NRG1: variants seen among roughly 807,000 people sequenced by gnomAD.
NRG1 encodes pro-neuregulin-1, membrane-bound isoform.
NRG1 carries 18 observed loss-of-function variants against 63.8 expected under a neutral mutation model. That is an observed-to-expected ratio of 0.28 (90% CI 0.19 to 0.42). The LOEUF is 0.42. Ranked by LOEUF, NRG1 falls within the 10% of genes least tolerant of loss-of-function variation. The pLI is 1.00. For synonymous variants in NRG1, 302 were observed against 301.3 expected, an observed-to-expected ratio of 1.00 and a Z score of -0.02; for missense variants, 762 against 814.7, an observed-to-expected ratio of 0.94 and a Z score of 0.79.
chr8:32,594,248 T>A (rs1842986469), intron 1 of NRG1, among the ~76,000 whole-genome samples: 2 of 152,142 alleles, frequency 1.3e-5, no homozygotes, highest in Non-Finnish European at 2.9e-5. Flanking sequence ...ACCCGGTGAA[T>A]AATTAGGTAC....
intron 1 of NRG1, among the ~76,000 whole-genome samples, chr8:32,152,065 C>T (rs1407996710): frequency 1.3e-5 from 2 of 152,176 alleles, no homozygotes; most frequent in Non-Finnish European, 2.9e-5. Context: ...CACAAGAGCT[C>T]CACAACTGGA....
chr8:32,663,422 C>A (rs1803363213), intron 5 of NRG1, among the ~76,000 whole-genome samples: 1 of 152,112 alleles, frequency 6.6e-6, no homozygotes, highest in Non-Finnish European at 1.5e-5. Context: ...TGTACAGATG[C>A]TTCACATAGC....
chr8:31,801,473 G>A (rs1439033116), intron 1 of NRG1, among the ~76,000 whole-genome samples: 3 of 152,078 alleles, frequency 2.0e-5, no homozygotes, highest in Non-Finnish European at 4.4e-5. Context: ...ATTTGTCGCT[G>A]TAACATAATC....
intron 1 of NRG1, among the ~76,000 whole-genome samples, chr8:32,143,537 T>G (rs545817634): frequency 6.6e-6 from 1 of 152,176 alleles, no homozygotes; most frequent in Non-Finnish European, 1.5e-5. Context: ...CAGTGCCCCA[T>G]TGAGTTGAAA....
Position 32,593,222 on chromosome 8 carries a change from C to A in NRG1, c.101-2606C>A, listed in dbSNP as rs1842812149. On this transcript the variant is annotated intron_variant, in intron 1 of 11. Coordinates refer to ENST00000356819, the Ensembl canonical transcript of NRG1. ...TAAACCTTGGAAGTTCTGGTGTGTT[C>A]CCAAGTTAAATGTAAAATCCAGAGG... 2.0e-5 allele frequency among the ~76,000 whole-genome samples: 3 copies of A among 151,988 alleles called. No homozygotes were observed. In the South Asian group the frequency reaches 6.3e-4, roughly 32 times the overall value.
chr8:31,946,700 G>A (rs957141443), intron 1 of NRG1, among the ~76,000 whole-genome samples: 1 of 152,146 alleles, frequency 6.6e-6, no homozygotes, highest in African/African-American at 2.4e-5. Flanking sequence ...AGAAAATGGT[G>A]TCCCCTCCAG....
At chr8:31,852,992 C>T (rs1329610615) in intron 1 of NRG1, among the ~76,000 whole-genome samples, 2 of 151,826 alleles carry the variant, frequency 1.3e-5, no homozygotes, top group African/African-American at 2.4e-5. Flanking sequence ...GTACCAGTAC[C>T]ATGCTGTTTT....
rs1045694174 is a variant in NRG1 at position 32,281,473 on chromosome 8, C to T, written c.38-314355C>T. Among the ~76,000 whole-genome samples, 4 of 152,152 alleles carry T rather than the reference C, an allele frequency of 2.6e-5. 1 individual carries two copies. The highest frequency in any genetic ancestry group is 7.2e-5 in the African/African-American group (3 of 41,506). On this transcript the variant is annotated intron_variant, in intron 1 of 10. Coordinates refer to the NRG1 transcript ENST00000519301. The stretch of plus-strand genomic sequence containing the variant: ...GATTACAGCCACGAGCCATGGCACC[C>T]GGCTGGTAGTTTTTCTTCCTCATCC...
intron 1 of NRG1, among the ~76,000 whole-genome samples, chr8:32,125,311 AT>A (rs1833938444): frequency 6.6e-6 from 1 of 151,962 alleles, no homozygotes; most frequent in Non-Finnish European, 1.5e-5. Context: ...CAGAGGTCAC[AT>A]AACAGGTCGA....
intron 1 of NRG1, among the ~76,000 whole-genome samples, chr8:32,533,585 G>A (rs1831671388): frequency 6.6e-6 from 1 of 151,832 alleles, no homozygotes; most frequent in Admixed American, 6.6e-5. Flanking sequence ...AAAATTAATT[G>A]TCCTAAAAAT....
intron 1 of NRG1, among the ~76,000 whole-genome samples, chr8:32,414,381 A>G (rs747182712): frequency 6.6e-6 from 1 of 152,212 alleles, no homozygotes; most frequent in Non-Finnish European, 1.5e-5. Context: ...TTTGCTTTTT[A>G]GGGCAATTAA....
intron 1 of NRG1, among the ~76,000 whole-genome samples, chr8:32,360,434 A>T (rs1403970234): frequency 6.6e-6 from 1 of 152,212 alleles, no homozygotes; most frequent in African/African-American, 2.4e-5. Flanking sequence ...TCTCAGATGT[A>T]GAAGCAATTT....
chr8:32,143,925 G>C (rs1003845081), intron 1 of NRG1, among the ~76,000 whole-genome samples: 2 of 152,198 alleles, frequency 1.3e-5, no homozygotes, highest in Non-Finnish European at 2.9e-5. Context: ...TTCATATCTT[G>C]CTATGCAGGG....
intron 1 of NRG1, among the ~76,000 whole-genome samples, chr8:32,523,091 CCA>C (rs756056807): frequency 2.9e-4 from 44 of 152,304 alleles, no homozygotes; most frequent in Non-Finnish European, 4.6e-4. Context: ...AGGCATGAGT[CCA>C]CGCCCAGCCC....
chr8:32,362,475 T>A (rs759862777), intron 1 of NRG1, among the ~76,000 whole-genome samples: 9 of 152,224 alleles, frequency 5.9e-5, no homozygotes, highest in Non-Finnish European at 1.3e-4. Context: ...GGGCATAAAA[T>A]GCCATTATGG....
In NRG1 at chr8:31,935,976, A is replaced by G. The variant is rs560423803; in HGVS notation, c.37+296545A>G. Among the ~76,000 whole-genome samples, 22 of 152,316 alleles carry G rather than the reference A, an allele frequency of 1.4e-4. No individual in the cohort carries two copies. In the East Asian group the frequency reaches 3.7e-3, roughly 25 times the overall value. ...GCCTAGTCAAAGAGAGAAGAGCATA[A>G]TAGCAGATAGGAGTAAGTGAGCAGG... is the stretch of plus-strand genomic sequence containing the variant. On this transcript the variant is annotated intron_variant, in intron 1 of 10. Transcript: ENST00000519301.
At chr8:32,642,932 T>A (rs1852709862) in intron 5 of NRG1, among the ~76,000 whole-genome samples, 2 of 152,204 alleles carry the variant, frequency 1.3e-5, no homozygotes, top group South Asian at 4.1e-4. Flanking sequence ...CTTCTGATGA[T>A]AAAGTAAATA....
chr8:32,594,871 C>T (rs1244561026), intron 1 of NRG1, among the ~76,000 whole-genome samples: 2 of 152,114 alleles, frequency 1.3e-5, no homozygotes, highest in Non-Finnish European at 2.9e-5. Context: ...CTCTGTAGGT[C>T]CAGTCAAAGA....
intron 2 of NRG1, among the ~76,000 whole-genome samples, chr8:32,598,007 C>T (rs1843665231): frequency 6.6e-6 from 1 of 152,128 alleles, no homozygotes; most frequent in African/African-American, 2.4e-5. Flanking sequence ...GAAGTTATCT[C>T]TACATGCAGG....
Sources: gnomAD v4.1 joint callset for allele counts (sites outside exome capture counted in the v4.1 genomes callset) on GRCh38, gnomAD v4.1.1 for gene constraint, MANE v1.5 for transcripts, NCBI Gene and HGNC (gene_info 2026-07-23, HGNC 2026-07-21) for gene names.